Variants in DPH5 observed in about 807,000 individuals in gnomAD.
DPH5 encodes diphthine methyl ester synthase.
A neutral mutation model predicts 31.6 loss-of-function variants in DPH5; 31 were observed. The ratio of observed to expected loss-of-function variants is 0.98; its 90% CI spans 0.74 to 1.32. The LOEUF (loss-of-function observed/expected upper bound fraction) is 1.32. Ranked by LOEUF, DPH5 falls within the 40% of genes most tolerant of loss-of-function variation. The pLI, the probability that DPH5 is intolerant of heterozygous loss-of-function variation, is 0.00. For missense variants in DPH5, 309 were observed against 335.7 expected, an observed-to-expected ratio of 0.92 and a Z score of 0.62; for synonymous variants, 120 against 115.0, an observed-to-expected ratio of 1.04 and a Z score of -0.28.
In DPH5 at chr1:100,990,268, C is replaced by A; in HGVS notation, c.*140G>T. The A allele has an allele frequency of 1.4e-6, 1 of 731,614 alleles. No individual in the cohort carries two copies. The highest frequency in any genetic ancestry group is 2.3e-6 in the Non-Finnish European group (1 of 439,742). 45.3% of individuals were successfully genotyped at this position (731,614 alleles called of 1,614,324 possible). ...TGAGAATAGCATGAGGGAAACTGCC[C>A]CCATGATTCAATTACCTACCACAAC... On this transcript the variant is annotated 3_prime_UTR_variant, in exon 8 of 8. Coordinates refer to ENST00000370109, the MANE Select transcript of DPH5 (RefSeq NM_015958.3).
In DPH5 at chr1:101,025,582, G is replaced by T. The variant is rs192495268; in HGVS notation, c.-24+101C>A. The T allele has an allele frequency of 4.9e-4, 501 of 1,030,488 alleles. 1 individual carries two copies. In the African/African-American group the frequency reaches 7.3e-3, roughly 15 times the overall value. The allele number at this position is 1,030,488 out of a possible 1,614,324, so 63.8% of individuals were successfully genotyped here. ...GAGAAGAGGCAAGTCACAAGGAGGG[G>T]TTTGGGAACCTTATGTCACGCTTAA... On this transcript the variant is annotated intron_variant, in intron 1 of 7. Transcript: ENST00000370109.
chr1:101,008,353 G>T (rs934978533), intron 4 of DPH5, among the ~76,000 whole-genome samples: 1 of 152,146 alleles, frequency 6.6e-6, no homozygotes. Flanking sequence ...CATACATCAT[G>T]GTGTGGTTTG....
rs1402692122 is a variant in DPH5, at chr1:100,990,634, A to T, written c.635-3T>A. 1.2e-6 allele frequency: 2 copies of T among 1,613,142 alleles called. No individual in the cohort carries two copies. Among genetic ancestry groups the T allele is most frequent in the East Asian group, 4.5e-5 (2 of 44,858 alleles). ...ACAAAGTGTCTCCTCGGTAACTGCT[A>T]TTAAAAAAAAAAGATACTGCTATTC... is the stretch of plus-strand genomic sequence containing the variant. On this transcript the variant is annotated splice_region_variant and splice_polypyrimidine_tract_variant and intron_variant, in intron 7 of 7. Coordinates refer to ENST00000370109, the MANE Select transcript of DPH5 (RefSeq NM_015958.3).
chr1:101,007,969 T>C (rs1659358994), intron 4 of DPH5, among the ~76,000 whole-genome samples: 1 of 152,166 alleles, frequency 6.6e-6, no homozygotes, highest in African/African-American at 2.4e-5. Flanking sequence ...GTGTTAGAAA[T>C]ATGTTAGGAA....
intron 5 of DPH5, chr1:100,996,382 G>C (rs1237216791): frequency 6.6e-6 from 1 of 152,284 alleles, no homozygotes; most frequent in African/African-American, 2.4e-5. Context: ...AAAGGAAGAG[G>C]GTTGAGGAGA....
At chr1:101,016,740 C>A (rs926685828) in intron 3 of DPH5, among the ~76,000 whole-genome samples, 4 of 152,192 alleles carry the variant, frequency 2.6e-5, no homozygotes, top group Non-Finnish European at 5.9e-5. Context: ...AGCCACCACA[C>A]CCAGCCTCTT....
chr1:100,996,311 G>T (rs1332168159), intron 5 of DPH5: 1 of 152,154 alleles, frequency 6.6e-6, no homozygotes, highest in Admixed American at 6.5e-5. Flanking sequence ...GTTGTGATGA[G>T]ATTTTTCATA....
At chr1:100,992,379 CTT>C (rs547351715) in intron 7 of DPH5, among the ~76,000 whole-genome samples, 8 of 151,978 alleles carry the variant, frequency 5.3e-5, no homozygotes, top group African/African-American at 1.5e-4. Context: ...TCAAATGTGA[CTT>C]ATGTTTAATT....
chr1:101,009,861 C>T (rs1659503800), intron 4 of DPH5, among the ~76,000 whole-genome samples: 1 of 152,216 alleles, frequency 6.6e-6, no homozygotes, highest in African/African-American at 2.4e-5. Flanking sequence ...GTCCAACAAG[C>T]CCTTCCTTGG....
chr1:101,017,993 G>T (rs1313489533), intron 3 of DPH5, among the ~76,000 whole-genome samples: 1 of 152,122 alleles, frequency 6.6e-6, no homozygotes, highest in Non-Finnish European at 1.5e-5. Flanking sequence ...TATTTAAAAT[G>T]AGTAGACACA....
chr1:101,023,911 C>T (rs1238922007), intron 2 of DPH5, among the ~76,000 whole-genome samples: 1 of 152,184 alleles, frequency 6.6e-6, no homozygotes, highest in Non-Finnish European at 1.5e-5. Flanking sequence ...TATAACCAAA[C>T]TTTCCTCTAT....
rs554588065 is a variant in DPH5, at chr1:100,993,483, C to T, written c.531-743G>A. ...AGGAGAATCAATTGAACCCGGGAGACGGAGGTTGCAGCGAGCTGAGATGAC... is the reference window on the plus strand; with the variant it reads ...AGGAGAATCAATTGAACCCGGGAGATGGAGGTTGCAGCGAGCTGAGATGAC... On this transcript the variant is annotated intron_variant, in intron 6 of 7. Coordinates refer to ENST00000370109, the MANE Select transcript of DPH5 (RefSeq NM_015958.3). Among the ~76,000 whole-genome samples the T allele has an allele frequency of 5.4e-5, 8 of 147,278 alleles. No individual in the cohort carries two copies. In the East Asian group the frequency reaches 1.2e-3, roughly 22 times the overall value.
At chr1:100,997,912 A>T (rs1446224881) in intron 5 of DPH5, among the ~76,000 whole-genome samples, 1 of 152,116 alleles carries the variant, frequency 6.6e-6, no homozygotes, top group Non-Finnish European at 1.5e-5. Flanking sequence ...CCTTAACTGG[A>T]TCTAACTTTG....
In DPH5 at chr1:100,992,508, T is replaced by G; in HGVS notation, c.634+129A>C. ...GATTTAAGTTAAAGTTGGACAAAAA[T>G]GACAAGAAATAGTACAATACAAAAA... On this transcript the variant is annotated intron_variant, in intron 7 of 7. Coordinates refer to ENST00000370109, the MANE Select transcript of DPH5 (RefSeq NM_015958.3). The G allele has an allele frequency of 5.0e-6, 3 of 594,146 alleles. No homozygotes were observed. The South Asian group carries it at 1.6e-4, about 31-fold the overall frequency. The allele number at this position is 594,146 out of a possible 1,614,324, so 36.8% of individuals were successfully genotyped here.
In DPH5 at chr1:100,990,282, A is replaced by G; in HGVS notation, c.*126T>C. ...GGGAAACTGCCCCCATGATTCAATT[A>G]CCTACCACAACACCTGGGAATTATG... On this transcript the variant is annotated 3_prime_UTR_variant, in exon 8 of 8. Transcript: ENST00000370109. 2.4e-6 allele frequency: 2 copies of G among 835,068 alleles called. No individual in the cohort carries two copies. The highest frequency in any genetic ancestry group is 1.9e-6 in the Non-Finnish European group (1 of 525,770). 51.7% of individuals were successfully genotyped at this position (835,068 alleles called of 1,614,324 possible). A position where few individuals can be genotyped will look rare whatever the true frequency, so the allele number is the denominator to read the frequency against.
chr1:101,025,595 A>C (rs1660769768), intron 1 of DPH5, 88 bp downstream of exon 1: 1 of 892,304 alleles, frequency 1.1e-6, no homozygotes, highest in East Asian at 2.6e-5. Context: ...TGGGAACCTT[A>C]TGTCACGCTT....
intron 6 of DPH5, among the ~76,000 whole-genome samples, chr1:100,994,068 A>G (rs1275973566): frequency 6.6e-6 from 1 of 152,130 alleles, no homozygotes; most frequent in East Asian, 1.9e-4. Context: ...TTAATATTTT[A>G]ATTAATCCAA....
chr1:101,002,510 T>TA (rs1192466888), intron 4 of DPH5, among the ~76,000 whole-genome samples: 1 of 152,228 alleles, frequency 6.6e-6, no homozygotes. Flanking sequence ...TATTAGTTCT[T>TA]ATCTCAGCAC....
At chr1:101,017,528 C>T (rs1002763584) in intron 3 of DPH5, among the ~76,000 whole-genome samples, 2 of 152,102 alleles carry the variant, frequency 1.3e-5, no homozygotes, top group African/African-American at 2.4e-5. Flanking sequence ...GAAATGTAAC[C>T]GCTTATCAAT....
Sources: gnomAD v4.1 joint callset for allele counts (sites outside exome capture counted in the v4.1 genomes callset) on GRCh38, gnomAD v4.1.1 for gene constraint, MANE v1.5 for transcripts, NCBI Gene and HGNC (gene_info 2026-07-23, HGNC 2026-07-21) for gene names.